SLC7A9: variants seen among roughly 807,000 people sequenced by gnomAD.
The protein encoded by SLC7A9 is B(0,+)-type amino acid transporter 1.
Under a neutral mutation model 54.1 loss-of-function variants are expected in SLC7A9, and 38 were observed. That is an observed-to-expected ratio of 0.70 (90% CI 0.54 to 0.92). The LOEUF (loss-of-function observed/expected upper bound fraction) is 0.92, where lower values mean the gene tolerates loss of function less well. SLC7A9 is among the 40% of genes least tolerant of loss of function. SLC7A9 has a pLI of 0.00. For missense variants in SLC7A9, 537 were observed against 636.1 expected (o/e 0.84, Z 1.68); for synonymous variants, 264 against 258.9 (o/e 1.02, Z -0.19).
rs780980072 is a variant in SLC7A9, at chr19:32,864,652, G to A, written c.212C>T (p.Ala71Val). Residue 71 changes from alanine (A) to valine (V), a missense_variant, in exon 3 of 13, where the codon GCT (alanine) becomes GTT (valine). Ala to Val is a moderately conservative substitution (Grantham distance 64). Coordinates refer to ENST00000023064, the MANE Select transcript of SLC7A9 (RefSeq NM_014270.5). ...AVGPCLIIWAACGVLATLGAL... is the reference protein window; with the variant it reads ...AVGPCLIIWAVCGVLATLGAL... Reference sequence around the variant, plus strand: ...ACCCAGCGTCGCGAGGACCCCGCAAGCCGCCCATATGATGAGGCAGGGCCC... The same window carrying A: ...ACCCAGCGTCGCGAGGACCCCGCAAACCGCCCATATGATGAGGCAGGGCCC... 6.2e-7 allele frequency: 1 copy of A among 1,614,000 alleles called. No homozygotes were observed. Among genetic ancestry groups the A allele is most frequent in the Non-Finnish European group, 8.5e-7 (1 of 1,180,032 alleles).
intron 11 of SLC7A9, among the ~76,000 whole-genome samples, chr19:32,834,734 G>C (rs964234756): frequency 1.1e-4 from 17 of 152,090 alleles, no homozygotes; most frequent in African/African-American, 3.9e-4. Context: ...AAGTTTGCTG[G>C]GATTGTTTTG....
intron 9 of SLC7A9, among the ~76,000 whole-genome samples, chr19:32,844,857 CAAA>C (rs386388892): frequency 2.8e-3 from 84 of 30,300 alleles, no homozygotes; most frequent in African/African-American, 7.9e-3. Flanking sequence ...GAATCCATCT[CAAA>C]AAAAAAAAAA....
At chr19:32,839,719 A>C (rs1392749978) in intron 11 of SLC7A9, among the ~76,000 whole-genome samples, 1 of 152,174 alleles carries the variant, frequency 6.6e-6, no homozygotes, top group Non-Finnish European at 1.5e-5. Flanking sequence ...CTCTTGCAGC[A>C]TGAAGTGTTG....
rs1968010937 is a variant in SLC7A9 at position 32,837,907 on chromosome 19, A to G, written c.1224+4261T>C. Among the ~76,000 whole-genome samples the G allele has an allele frequency of 2.0e-5, 3 of 152,254 alleles. No individual in the cohort carries two copies. The South Asian group carries it at 6.2e-4, about 31-fold the overall frequency. On this transcript the variant is annotated intron_variant, in intron 11 of 12. Transcript: ENST00000023064. Reference sequence around the variant, plus strand: ...GCATTTAGAGATGCATGGATTCTATAGTTCAGGGTGTTAAAAGCTAATAAG... The same window carrying G: ...GCATTTAGAGATGCATGGATTCTATGGTTCAGGGTGTTAAAAGCTAATAAG...
chr19:32,836,155 C>T lies in SLC7A9; in HGVS notation c.1225-2832G>A, dbSNP rs533105386. ...GTCTCGATCTCCTGACCTTGTGATC[C>T]GCCGGCCTCAGCCTCCCAACATGCT... On this transcript the variant is annotated intron_variant, in intron 11 of 12. Transcript: ENST00000023064. Among the ~76,000 whole-genome samples, 9 of 151,932 alleles carry T rather than the reference C, an allele frequency of 5.9e-5. 1 individual carries two copies. The highest frequency in any genetic ancestry group is 1.7e-4 in the African/African-American group (7 of 41,430).
Position 32,864,316 on chromosome 19 carries a change from A to G in SLC7A9, c.258T>C (p.Leu86=), listed in dbSNP as rs1039705596. ...ATLGALCFAE[L]GTMITKSGGE... is the part of the protein sequence containing the mutation. Reference sequence around the variant, plus strand: ...CCCCTGACTTGGTGATCATTGTGCCAAGCTCCGCAAAGCACAGGGCACCTG... The same window carrying G: ...CCCCTGACTTGGTGATCATTGTGCCGAGCTCCGCAAAGCACAGGGCACCTG... The change falls in exon 4 of 13, where the codon CTT becomes CTC. Residue 86 remains leucine (L), a synonymous_variant. Coordinates refer to ENST00000023064, the MANE Select transcript of SLC7A9 (RefSeq NM_014270.5). The G allele has an allele frequency of 6.2e-7, 1 of 1,613,888 alleles. No homozygotes were observed. The highest frequency in any genetic ancestry group is 1.3e-5 in the African/African-American group (1 of 74,918).
intron 1 of SLC7A9, among the ~76,000 whole-genome samples, chr19:32,868,882 T>C (rs1010206140): frequency 2.6e-5 from 4 of 151,994 alleles, no homozygotes; most frequent in African/African-American, 9.7e-5. Flanking sequence ...TATGGTCAAC[T>C]TCATTTTTTT....
At chr19:32,865,355 G>A (rs909485905) in intron 2 of SLC7A9, among the ~76,000 whole-genome samples, 6 of 152,182 alleles carry the variant, frequency 3.9e-5, no homozygotes, top group Non-Finnish European at 8.8e-5. Context: ...CCAGGCTGGA[G>A]CACAGAGGTG....
chr19:32,860,746 T>TG (rs749693176), intron 6 of SLC7A9, 96 bp from the exon 7 acceptor site: 109 of 1,514,194 alleles, frequency 7.2e-5, no homozygotes, highest in Non-Finnish European at 9.3e-5. Flanking sequence ...TAAGATTCTC[T>TG]ACCAGAGAAA....
At chr19:32,849,664 C>T (rs1477313545) in intron 9 of SLC7A9, among the ~76,000 whole-genome samples, 6 of 150,612 alleles carry the variant, frequency 4.0e-5, no homozygotes, top group African/African-American at 1.5e-4. Context: ...AGAGGGAATC[C>T]TCCCTAACTC....
chr19:32,838,409 G>C (rs1195226292), intron 11 of SLC7A9, among the ~76,000 whole-genome samples: 1 of 148,974 alleles, frequency 6.7e-6, no homozygotes, highest in Non-Finnish European at 1.5e-5. Context: ...GGGACTAAGG[G>C]CATTATTATA....
intron 2 of SLC7A9, among the ~76,000 whole-genome samples, chr19:32,867,330 T>G (rs1477835716): frequency 6.6e-6 from 1 of 151,818 alleles, no homozygotes; most frequent in Non-Finnish European, 1.5e-5. Flanking sequence ...AGCAAGATAC[T>G]GACTCTACAG....
At chr19:32,840,908 T>C (rs1440444621) in intron 11 of SLC7A9, among the ~76,000 whole-genome samples, 3 of 152,194 alleles carry the variant, frequency 2.0e-5, no homozygotes, top group African/African-American at 4.8e-5. Context: ...ATTTCCTTGA[T>C]TTGTGTTGAC....
intron 9 of SLC7A9, among the ~76,000 whole-genome samples, chr19:32,856,672 C>G (rs759157263): frequency 6.6e-6 from 1 of 152,070 alleles, no homozygotes; most frequent in Non-Finnish European, 1.5e-5. Flanking sequence ...GTGGTGTGAT[C>G]GTGGCCCACT....
At chr19:32,852,904 A>G (rs1393072006) in intron 9 of SLC7A9, among the ~76,000 whole-genome samples, 3 of 142,548 alleles carry the variant, frequency 2.1e-5, no homozygotes, top group African/African-American at 5.2e-5. Context: ...AAAGCTATAA[A>G]CTTTTTTTTT....
At chr19:32,860,684 T>C (rs762970140) in intron 6 of SLC7A9, 34 bp from the exon 7 acceptor site, 4 of 1,613,612 alleles carry the variant, frequency 2.5e-6, no homozygotes, top group Admixed American at 3.3e-5. Flanking sequence ...GTCACACACC[T>C]TGACTTTCTT....
intron 11 of SLC7A9, among the ~76,000 whole-genome samples, chr19:32,834,570 C>CA (rs1967901525): frequency 6.6e-6 from 1 of 151,948 alleles, no homozygotes; most frequent in African/African-American, 2.4e-5. Context: ...GCGGAGGCTG[C>CA]AGTGAGCAAA....
chr19:32,837,338 T>A (rs905124547), intron 11 of SLC7A9, among the ~76,000 whole-genome samples: 13 of 151,782 alleles, frequency 8.6e-5, no homozygotes, highest in African/African-American at 3.1e-4. Context: ...CTACAAAAAA[T>A]ACAAAAATTA....
intron 2 of SLC7A9, among the ~76,000 whole-genome samples, chr19:32,868,090 G>T (rs1330123343): frequency 6.6e-6 from 1 of 151,810 alleles, no homozygotes; most frequent in African/African-American, 2.4e-5. Context: ...AATTAGCCGG[G>T]TATGGTGGCG....
Sources: gnomAD v4.1 joint callset for allele counts (sites outside exome capture counted in the v4.1 genomes callset) on GRCh38, gnomAD v4.1.1 for gene constraint, MANE v1.5 for transcripts, NCBI Gene and HGNC (gene_info 2026-07-23, HGNC 2026-07-21) for gene names.